The following LYST variants were observed in gnomAD, a reference collection of about 807,000 sequenced individuals.
The protein encoded by LYST is lysosomal trafficking regulator.
Under a neutral mutation model 413.6 loss-of-function variants are expected in LYST, and 192 were observed. That is an observed-to-expected ratio of 0.46 (90% CI 0.41 to 0.52). The LOEUF (loss-of-function observed/expected upper bound fraction) is 0.52. LYST is among the 20% of genes least tolerant of loss of function. LYST has a pLI of 0.00. For missense variants in LYST, 3,815 were observed against 4,499.9 expected (o/e 0.85, Z 4.35); for synonymous variants, 1,525 against 1,567.3 (o/e 0.97, Z 0.64).
At chr1:235,735,439 C>A (rs1163967329) in intron 31 of LYST, 1 of 152,110 alleles carries the variant, frequency 6.6e-6, no homozygotes, top group Non-Finnish European at 1.5e-5. Flanking sequence ...AACCAAAATT[C>A]ACAGTGTTAC....
At position 235,712,770 on chromosome 1, in the gene LYST, G is replaced by A. The variant is rs139429081; in HGVS notation, c.9785-573C>T. On this transcript the variant is annotated intron_variant, in intron 42 of 52. Coordinates refer to ENST00000389793, the MANE Select transcript of LYST (RefSeq NM_000081.4). ...GCTAAAGAATTGAGTAAAATTTCCT[G>A]TGAATGAAAATAAAAATAAGCATAG... 542 of 984,808 alleles carry A rather than the reference G, an allele frequency of 5.5e-4. 3 individuals carry two copies. The African/African-American group carries it at 8.8e-3, about 16-fold the overall frequency. 61.0% of individuals were successfully genotyped at this position (984,808 alleles called of 1,614,324 possible).
chr1:235,671,230 A>G (rs1194230375), intron 50 of LYST, among the ~76,000 whole-genome samples: 7 of 152,128 alleles, frequency 4.6e-5, no homozygotes, highest in African/African-American at 7.2e-5. Context: ...GAGCCACTGC[A>G]CCCAGCCCAA....
intron 20 of LYST, among the ~76,000 whole-genome samples, chr1:235,767,210 A>G (rs1668229222): frequency 1.3e-5 from 2 of 152,218 alleles, no homozygotes; most frequent in African/African-American, 4.8e-5. Context: ...AGGGTATGGG[A>G]GGTAAAATTC....
chr1:235,695,164 T>C (rs1420516507), intron 46 of LYST, among the ~76,000 whole-genome samples: 1 of 152,242 alleles, frequency 6.6e-6, no homozygotes, highest in Non-Finnish European at 1.5e-5. Flanking sequence ...ATTAAGCACT[T>C]AGAATGAACC....
rs148389013 is a variant in LYST, at chr1:235,693,382, C to A, written c.10669G>T (p.Val3557Leu). 3.9e-5 allele frequency: 63 copies of A among 1,613,108 alleles called. No individual in the cohort carries two copies. In the African/African-American group the frequency reaches 8.3e-4, roughly 21 times the overall value. The change falls in exon 47 of 53, where the codon GTA (valine) becomes TTA (leucine). Residue 3557 changes from valine (V) to leucine (L), a missense_variant. Coordinates refer to ENST00000389793, the MANE Select transcript of LYST (RefSeq NM_000081.4). ...TGTTGTGAACTTTGAATAAAGTTTA[C>A]TGGAGGCTCACTTTGTTTACTCTTC... The part of the protein sequence containing the change: ...RLKSKQSEPP[V>L]NFIQSSQQYQ...
At position 235,686,226 on chromosome 1, in the gene LYST, G is replaced by A. The variant is rs1660209629; in HGVS notation, c.10800+723C>T. On this transcript the variant is annotated intron_variant, in intron 48 of 52. Coordinates refer to ENST00000389793, the MANE Select transcript of LYST (RefSeq NM_000081.4). The surrounding 1 kb of genome is among the most constrained non-coding windows in gnomAD (Gnocchi z 4.0). ...TACTAAAACTACAAAACTTGGCCGG[G>A]CGTGGTGGCACATGCCTGTGGTCCC... Among the ~76,000 whole-genome samples, 1 of 152,160 alleles carries A rather than the reference G, an allele frequency of 6.6e-6. No individual in the cohort carries two copies. Among genetic ancestry groups the A allele is most frequent in the Non-Finnish European group, 1.5e-5 (1 of 68,012 alleles).
Position 235,694,553 on chromosome 1 carries a change from G to A in LYST, c.10565-1067C>T, listed in dbSNP as rs531104755. ...TAGCAGAATACCCAGAAGTAGATGA[G>A]TATAACAAATAAATATTTCTTGAAT... On this transcript the variant is annotated intron_variant, in intron 46 of 52. Coordinates refer to ENST00000389793, the MANE Select transcript of LYST (RefSeq NM_000081.4). 1.4e-4 allele frequency among the ~76,000 whole-genome samples: 22 copies of A among 152,282 alleles called. No homozygotes were observed. The South Asian group carries it at 1.5e-3, about 10-fold the overall frequency.
chr1:235,738,827 G>T (rs1043162342), intron 31 of LYST: 2 of 786,532 alleles, frequency 2.5e-6, no homozygotes, highest in Non-Finnish European at 4.7e-6. Context: ...TTTCCACCAT[G>T]ATTGGTGGAA....
intron 8 of LYST, among the ~76,000 whole-genome samples, chr1:235,801,422 C>T (rs188034895): frequency 6.6e-6 from 1 of 151,592 alleles, no homozygotes; most frequent in Admixed American, 6.6e-5. Context: ...CTGACCCCCC[C>T]CTCAAATACC....
chr1:235,738,744 T>C, intron 31 of LYST: 2 of 1,403,048 alleles, frequency 1.4e-6, no homozygotes, highest in Non-Finnish European at 2.0e-6. Context: ...AGGCTACACA[T>C]CCTGGGCCAT....
chr1:235,698,449 T>C (rs1661271601), intron 45 of LYST, among the ~76,000 whole-genome samples: 1 of 152,318 alleles, frequency 6.6e-6, no homozygotes, highest in Non-Finnish European at 1.5e-5. Context: ...TGGAAAAGCT[T>C]AAGAGCTTCA....
rs780546087 is a variant in LYST, at chr1:235,770,149, A to G, written c.5922+11T>C. On this transcript the variant is annotated intron_variant, in intron 20 of 52. Transcript: ENST00000389793. ...AATATATTTCCAAAAGTAAAGTTAC[A>G]TGAAAAGTACCTGCAAAACCTGACA... 5.0e-6 allele frequency: 8 copies of G among 1,612,672 alleles called. No individual in the cohort carries two copies. In the South Asian group the frequency reaches 6.6e-5, roughly 13 times the overall value.
chr1:235,823,844 T>C (rs1487781017), intron 3 of LYST, among the ~76,000 whole-genome samples: 2 of 152,254 alleles, frequency 1.3e-5, no homozygotes, highest in Non-Finnish European at 2.9e-5. Context: ...AAATACTTTT[T>C]ACACTGTTTT....
intron 30 of LYST, among the ~76,000 whole-genome samples, chr1:235,743,315 C>T (rs1665599415): frequency 6.6e-6 from 1 of 152,158 alleles, no homozygotes; most frequent in Admixed American, 6.5e-5. Flanking sequence ...CCTAAGGGCC[C>T]TGTTTGAGTG....
At chr1:235,787,053 TAAAA>T in intron 14 of LYST, 143 bp downstream of exon 14, 3 of 632,330 alleles carry the variant, frequency 4.7e-6, no homozygotes, top group Non-Finnish European at 8.1e-6. Context: ...ACAATAATAA[TAAAA>T]AAAGAAACAA....
chr1:235,737,921 G>GAGTGTA, intron 31 of LYST: 39 of 1,176,858 alleles, frequency 3.3e-5, no homozygotes, highest in Admixed American at 2.5e-4. Context: ...CGACGAGTCT[G>GAGTGTA]GATCTCACTG....
chr1:235,778,543 T>C (rs1250220026), intron 16 of LYST, among the ~76,000 whole-genome samples: 5 of 151,598 alleles, frequency 3.3e-5, no homozygotes, highest in Non-Finnish European at 7.4e-5. Context: ...CCCAGCTAAT[T>C]TTATATTTTT....
At chr1:235,733,468 T>C (rs976421850) in intron 34 of LYST, 35 bp downstream of exon 34, 38 of 1,576,230 alleles carry the variant, frequency 2.4e-5, no homozygotes, top group South Asian at 3.3e-5. Flanking sequence ...TAAATCTTCA[T>C]GGAAGACAAT....
intron 3 of LYST, chr1:235,828,760 T>G: frequency 2.2e-6 from 2 of 912,304 alleles, no homozygotes; most frequent in Non-Finnish European, 2.6e-6. Context: ...GTGTACATAT[T>G]AAATAATCAA....
Sources: gnomAD v4.1 joint callset for allele counts (sites outside exome capture counted in the v4.1 genomes callset) on GRCh38, gnomAD v4.1.1 for gene constraint, Gnocchi (gnomAD v3.1) non-coding constraint, MANE v1.5 for transcripts, NCBI Gene and HGNC (gene_info 2026-07-23, HGNC 2026-07-21) for gene names.